The following DIAPH2 variants were observed in gnomAD, a reference collection of about 807,000 sequenced individuals.
DIAPH2 encodes protein diaphanous homolog 2.
In DIAPH2, 35 loss-of-function variants were observed where a neutral mutation model predicts 92.7. That is an observed-to-expected ratio of 0.38 (90% confidence interval 0.29 to 0.50). The LOEUF is 0.50. Among genes scored for constraint, DIAPH2 ranks in the 20% least tolerant of loss-of-function variants. DIAPH2 has a pLI of 0.94. For missense variants in DIAPH2, 701 were observed against 819.5 expected, an observed-to-expected ratio of 0.86 and a Z score of 1.77; for synonymous variants, 301 against 280.4, an observed-to-expected ratio of 1.07 and a Z score of -0.73.
chrX:97,416,173 G>C (rs2069944148), intron 25 of DIAPH2, among the ~76,000 whole-genome samples: 1 of 112,245 alleles, frequency 8.9e-6, no homozygotes, highest in African/African-American at 3.2e-5. Context: ...AAGGCTTAAA[G>C]GTAAATCCTT....
chrX:97,497,667 A>C (rs746885611), intron 26 of DIAPH2, among the ~76,000 whole-genome samples: 1 of 110,311 alleles, frequency 9.1e-6, no homozygotes, highest in African/African-American at 3.3e-5. Flanking sequence ...TTAGCGAGGT[A>C]TATTGGCACA....
At chrX:97,013,264 A>G (rs1256061969) in intron 17 of DIAPH2, among the ~76,000 whole-genome samples, 3 of 112,075 alleles carry the variant, frequency 2.7e-5, no homozygotes, top group Non-Finnish European at 5.6e-5. Context: ...CAGAAAAACT[A>G]TTAAATGACA....
At chrX:97,293,243 CTTTTTTT>C (rs1184478622) in intron 23 of DIAPH2, among the ~76,000 whole-genome samples, 2 of 63,216 alleles carry the variant, frequency 3.2e-5, no homozygotes, top group Admixed American at 3.5e-4. Context: ...ATATTTCTTT[CTTTTTTT>C]TTTTTTTTTT....
chrX:97,016,753 C>G (rs2066263801), intron 17 of DIAPH2, among the ~76,000 whole-genome samples: 1 of 112,141 alleles, frequency 8.9e-6, no homozygotes, highest in South Asian at 3.7e-4. Context: ...TCTGTTGTTT[C>G]CAAGCTGTCC....
intron 4 of DIAPH2, among the ~76,000 whole-genome samples, chrX:96,877,190 A>G (rs1488799843): frequency 9.0e-6 from 1 of 111,344 alleles, no homozygotes; most frequent in Non-Finnish European, 1.9e-5. Context: ...CCTTGAACTC[A>G]AGGAACTGAT....
intron 23 of DIAPH2, among the ~76,000 whole-genome samples, chrX:97,284,416 G>T (rs889914352): frequency 1.0e-4 from 11 of 110,551 alleles, no homozygotes; most frequent in Middle Eastern, 9.2e-3. Context: ...TTCGAGACCA[G>T]CCTGACCAAC....
chrX:96,858,894 G>A (rs745346266), intron 4 of DIAPH2, among the ~76,000 whole-genome samples: 1 of 111,591 alleles, frequency 9.0e-6, no homozygotes, highest in African/African-American at 3.3e-5. Flanking sequence ...AACTGATGTG[G>A]GAATTTGATT....
At chrX:97,591,240 T>C in intron 26 of DIAPH2, among the ~76,000 whole-genome samples, 1 of 112,254 alleles carries the variant, frequency 8.9e-6, no homozygotes, top group Admixed American at 9.4e-5. Context: ...TCCCAGCTCC[T>C]GTACTCAAGG....
At chrX:97,160,898 G>C (rs1159778941) in intron 22 of DIAPH2, among the ~76,000 whole-genome samples, 2 of 111,489 alleles carry the variant, frequency 1.8e-5, no homozygotes, top group Non-Finnish European at 3.8e-5. Flanking sequence ...GAAGCTTTTA[G>C]TGTAAATGGA....
At chrX:96,992,507 A>T (rs2066079170) in intron 17 of DIAPH2, among the ~76,000 whole-genome samples, 1 of 112,128 alleles carries the variant, frequency 8.9e-6, no homozygotes, top group Admixed American at 9.4e-5. Context: ...ATAATGGATG[A>T]TGTTTTGTAA....
intron 26 of DIAPH2, among the ~76,000 whole-genome samples, chrX:97,489,453 C>T (rs1486934762): frequency 9.1e-6 from 1 of 110,194 alleles, no homozygotes; most frequent in Non-Finnish European, 1.9e-5. Flanking sequence ...CTAGTTGCTC[C>T]AGCTAGAGCT....
intron 4 of DIAPH2, among the ~76,000 whole-genome samples, chrX:96,775,487 C>T (rs182515533): frequency 1.0e-3 from 112 of 108,220 alleles, no homozygotes; most frequent in African/African-American, 3.6e-3. Flanking sequence ...TTTTTCTCCC[C>T]GTTCTCTTCG....
intron 1 of DIAPH2, among the ~76,000 whole-genome samples, chrX:96,712,790 G>T (rs1048952419): frequency 4.5e-5 from 5 of 111,195 alleles, no homozygotes; most frequent in Non-Finnish European, 7.5e-5. Context: ...AGATCCTCTG[G>T]TCACTTTCTG....
chrX:96,969,188 G>A (rs905901438), intron 17 of DIAPH2, among the ~76,000 whole-genome samples: 1 of 111,702 alleles, frequency 9.0e-6, no homozygotes, highest in African/African-American at 3.3e-5. Flanking sequence ...TTTTCGCTTA[G>A]GATTGCTTTG....
At position 97,583,993 on chromosome X, in the gene DIAPH2, G is replaced by T. The variant is rs1203084739; in HGVS notation, c.3242-15260G>T. ...AGGAAAGGGAGCTCCCTGACCCCTT[G>T]GGCTTCCCGAGTGAGGCAATGCCTC... On this transcript the variant is annotated intron_variant, in intron 26 of 26. Transcript: ENST00000324765. Among the ~76,000 whole-genome samples the T allele has an allele frequency of 3.5e-5, 4 of 112,740 alleles. No homozygotes were observed. In the Admixed American group the frequency reaches 3.7e-4, roughly 10 times the overall value.
At chrX:96,944,565 G>A (rs2065726579) in intron 13 of DIAPH2, among the ~76,000 whole-genome samples, 1 of 111,397 alleles carries the variant, frequency 9.0e-6, no homozygotes, top group Non-Finnish European at 1.9e-5. Flanking sequence ...TCTCTTACTA[G>A]TTACATTTTA....
rs942187151 is a variant in DIAPH2 at position 96,821,243 on chromosome X, A to G, written c.448-60336A>G. Among the ~76,000 whole-genome samples, 10 of 112,578 alleles carry G rather than the reference A, an allele frequency of 8.9e-5. No homozygotes were observed. The East Asian group carries it at 1.7e-3, about 19-fold the overall frequency. ...GCTCATAAGCCAAAAGTCAATCACA[A>G]TAGTTTAGGCTTCACTTAAACACAG... On this transcript the variant is annotated intron_variant, in intron 4 of 26. Coordinates refer to ENST00000324765, the MANE Select transcript of DIAPH2 (RefSeq NM_006729.5).
rs1264881320 is a variant in DIAPH2 at position 97,058,953 on chromosome X, G to A, written c.2051-13988G>A. Among the ~76,000 whole-genome samples, 3 of 111,767 alleles carry A rather than the reference G, an allele frequency of 2.7e-5. 1 individual carries two copies. In the Admixed American group the frequency reaches 2.8e-4, roughly 11 times the overall value. ...TGGAAAATACCTTTTCAGTGCTAAA[G>A]GTAGATGAAGAATGTAGTGGTAATT... On this transcript the variant is annotated intron_variant, in intron 17 of 26. Transcript: ENST00000324765.
chrX:97,457,131 C>G (rs2070414372), intron 26 of DIAPH2, among the ~76,000 whole-genome samples: 1 of 111,549 alleles, frequency 9.0e-6, no homozygotes, highest in African/African-American at 3.3e-5. Flanking sequence ...AGCAATCCTC[C>G]TGCCAAAGCC....
Sources: allele counts gnomAD v4.1 joint callset (sites outside exome capture counted in the v4.1 genomes callset), GRCh38; gene constraint gnomAD v4.1.1; transcripts MANE v1.5; gene names NCBI Gene and HGNC (gene_info 2026-07-23, HGNC 2026-07-21).